The following MICAL2 variants were observed in gnomAD, a reference collection of about 807,000 sequenced individuals.
The protein encoded by MICAL2 is [F-actin]-monooxygenase MICAL2.
In MICAL2, 77 loss-of-function variants were observed where a neutral mutation model predicts 127.3. That is an observed-to-expected ratio of 0.60 (90% CI 0.50 to 0.73). The LOEUF is 0.73. Among genes scored for constraint, MICAL2 ranks in the 30% least tolerant of loss-of-function variants. The probability of loss-of-function intolerance (pLI) is 0.00; values close to 1 mark genes in which losing one functional copy is unlikely to be tolerated. For missense variants in MICAL2, 1,351 were observed against 1,434.4 expected (o/e 0.94, Z 0.94); for synonymous variants, 570 against 551.1 (o/e 1.03, Z -0.48).
intron 3 of MICAL2, among the ~76,000 whole-genome samples, chr11:12,164,717 G>A (rs1476938811): frequency 6.6e-6 from 1 of 152,204 alleles, no homozygotes; most frequent in Non-Finnish European, 1.5e-5. Flanking sequence ...GCCCACTTCT[G>A]GATTTATTAT....
chr11:12,301,571 A>G (rs561090482), intron 29 of MICAL2, among the ~76,000 whole-genome samples: 5 of 152,340 alleles, frequency 3.3e-5, no homozygotes, highest in African/African-American at 9.6e-5. Context: ...TTTAATCAGT[A>G]ACATGCTATT....
chr11:12,191,487 A>AT (rs1554972705), intron 3 of MICAL2, among the ~76,000 whole-genome samples: 3 of 150,380 alleles, frequency 2.0e-5, no homozygotes, highest in South Asian at 4.3e-4. Context: ...AAAAAAAAAA[A>AT]TGTAGGCCAG....
intron 2 of MICAL2, among the ~76,000 whole-genome samples, chr11:12,286,077 C>A (rs1863823634): frequency 6.6e-6 from 1 of 152,232 alleles, no homozygotes; most frequent in Admixed American, 6.5e-5. Flanking sequence ...CCTAAGTGAC[C>A]AAGACCTGTT....
At chr11:12,133,319 C>T (rs562180928) in intron 1 of MICAL2, among the ~76,000 whole-genome samples, 8 of 152,156 alleles carry the variant, frequency 5.3e-5, no homozygotes, top group African/African-American at 1.7e-4. Flanking sequence ...TGACCTCAAG[C>T]GATCTGCCTG....
chr11:12,279,062 A>G (rs1248049719), intron 1 of MICAL2, among the ~76,000 whole-genome samples: 1 of 152,196 alleles, frequency 6.6e-6, no homozygotes, highest in Non-Finnish European at 1.5e-5. Context: ...TGGGCTCAGA[A>G]GAGAGCTCTG....
intron 1 of MICAL2, chr11:12,121,770 G>A (rs1850529685): frequency 6.6e-6 from 1 of 152,192 alleles, no homozygotes; most frequent in Non-Finnish European, 1.5e-5. Flanking sequence ...ACCACAGCCT[G>A]GTGCATTTTC....
rs1863184425 is a variant in MICAL2 at position 12,262,022 on chromosome 11, TG to T, written c.3335-457del. On this transcript the variant is annotated intron_variant, in intron 26 of 27. Coordinates refer to ENST00000683283, the MANE Select transcript of MICAL2 (RefSeq NM_001282663.2). Reference sequence around the variant, plus strand: ...CCCGAGTCGGAATCTCTGACTGTCGTGTACAGCCATAAGGAGACTGGTTTGA... The same window carrying T: ...CCCGAGTCGGAATCTCTGACTGTCGTTACAGCCATAAGGAGACTGGTTTGA... The T allele has an allele frequency of 2.2e-5, 22 of 1,010,444 alleles. No individual in the cohort carries two copies. In the South Asian group the frequency reaches 8.7e-4, roughly 40 times the overall value. 62.6% of individuals were successfully genotyped at this position (1,010,444 alleles called of 1,614,324 possible).
At chr11:12,168,533 C>T (rs1048545806) in intron 3 of MICAL2, among the ~76,000 whole-genome samples, 18 of 151,836 alleles carry the variant, frequency 1.2e-4, no homozygotes, top group Admixed American at 2.0e-4. Context: ...ACACACACTA[C>T]ACACATATCT....
At chr11:12,264,626 C>T (rs535029557), downstream of MICAL2, among the ~76,000 whole-genome samples, 261 of 152,236 alleles carry the variant, frequency 1.7e-3, no homozygotes, top group Middle Eastern at 0.01. Flanking sequence ...TCCCTGGCAC[C>T]TCCAAATGGG....
chr11:12,340,256 C>A (rs149549011), intron 32 of MICAL2, among the ~76,000 whole-genome samples: 2,482 of 152,284 alleles, frequency 0.016, 34 homozygotes, highest in Non-Finnish European at 0.027. Flanking sequence ...CATAAATATT[C>A]TCTTCACAGA....
intron 32 of MICAL2, among the ~76,000 whole-genome samples, chr11:12,342,323 G>A (rs75262410): frequency 0.03 from 4,537 of 152,290 alleles, 162 homozygotes; most frequent in Admixed American, 0.1. Flanking sequence ...GCAAACCATC[G>A]CATAGGTACC....
rs1020472886 is a variant in MICAL2, at chr11:12,226,260, T to C, written c.1778T>C (p.Val593Ala). ...GAGCGAGAGTTTGGGATCCCTCCAG[T>C]GACCACGGGCAAAGAGATGGCATCT... ...VAEREFGIPP[V>A]TTGKEMASAQ... is the part of the protein sequence containing the mutation. The change falls in exon 14 of 28, where the codon GTG becomes GCG. Residue 593 changes from valine to alanine, a missense_variant. Val to Ala is a moderately conservative substitution (Grantham distance 64, BLOSUM62 0). Transcript: ENST00000683283. The C allele has an allele frequency of 6.2e-7, 1 of 1,614,112 alleles. No individual in the cohort carries two copies. Among genetic ancestry groups the C allele is most frequent in the African/African-American group, 1.3e-5 (1 of 74,934 alleles).
intron 8 of MICAL2, among the ~76,000 whole-genome samples, chr11:12,219,363 A>G (rs1052347937): frequency 3.3e-5 from 5 of 151,972 alleles, no homozygotes; most frequent in African/African-American, 1.2e-4. Flanking sequence ...CTCGCAGCTC[A>G]GGGCTCTGCA....
intron 2 of MICAL2, among the ~76,000 whole-genome samples, chr11:12,155,592 A>C (rs1467823529): frequency 2.0e-5 from 3 of 152,234 alleles, no homozygotes; most frequent in African/African-American, 7.2e-5. Context: ...ACATGAAATA[A>C]TCACACATGG....
chr11:12,255,598 G>T lies in MICAL2; in HGVS notation c.2848-45G>T, dbSNP rs181279876. ...GTGTTTTCCTCCTGGGTGCTAACTG[G>T]CCTCTACCTTTGTCTCTGTCTCCTC... On this transcript the variant is annotated intron_variant, in intron 22 of 27. Transcript: ENST00000683283. 2.2e-5 allele frequency: 35 copies of T among 1,565,624 alleles called. 1 individual carries two copies. Among genetic ancestry groups the T allele is most frequent in the Non-Finnish European group, 2.8e-5 (32 of 1,139,050 alleles).
At chr11:12,298,875 T>C (rs1480046862) in intron 29 of MICAL2, among the ~76,000 whole-genome samples, 1 of 152,234 alleles carries the variant, frequency 6.6e-6, no homozygotes, top group African/African-American at 2.4e-5. Flanking sequence ...CTTTGTCTTA[T>C]TACTTTACAT....
rs1181334595 is a variant in MICAL2, at chr11:12,323,978, G to C, written c.5329G>C (p.Glu1777Gln). Residue 1777 changes from glutamate (E) to glutamine (Q), a missense_variant and splice_region_variant, in exon 31 of 35, where the codon GAG (glutamate) becomes CAG (glutamine). By Grantham distance (29) the Glu-to-Gln change is conservative. Coordinates refer to the MICAL2 transcript ENST00000646065. Reference sequence around the variant, plus strand: ...TTTTTTTCTCCATTGGTTTTCATAGGAGAAGAAGACACTTAGAAGAAGAAA... The same window carrying C: ...TTTTTTTCTCCATTGGTTTTCATAGCAGAAGAAGACACTTAGAAGAAGAAA... 2.5e-6 allele frequency: 4 copies of C among 1,600,760 alleles called. No individual in the cohort carries two copies. The highest frequency in any genetic ancestry group is 3.4e-6 in the Non-Finnish European group (4 of 1,175,246).
At chr11:12,221,877 A>G (rs559157719) in intron 10 of MICAL2, 118 bp downstream of exon 10, 2 of 693,580 alleles carry the variant, frequency 2.9e-6, no homozygotes, top group Non-Finnish European at 4.8e-6. Flanking sequence ...CCTCCATTCT[A>G]CCTTCCCATG....
intron 25 of MICAL2, among the ~76,000 whole-genome samples, chr11:12,258,782 TGCTGGCTTCTCATA>T (rs1862678632): frequency 6.6e-6 from 1 of 152,368 alleles, no homozygotes; most frequent in East Asian, 1.9e-4. Context: ...ACAGTAGCCA[TGCTGGCTTCTCATA>T]AGAAGCCTGG....
Sources: gnomAD v4.1 joint callset for allele counts (sites outside exome capture counted in the v4.1 genomes callset) on GRCh38, gnomAD v4.1.1 for gene constraint, MANE v1.5 for transcripts, NCBI Gene and HGNC (gene_info 2026-07-23, HGNC 2026-07-21) for gene names.